The following SLC2A14 variants were observed in gnomAD, a reference collection of about 807,000 sequenced individuals.
SLC2A14 encodes solute carrier family 2, facilitated glucose transporter member 14.
In SLC2A14, 13 loss-of-function variants were observed where a neutral mutation model predicts 43.0. The ratio of observed to expected loss-of-function variants is 0.30; its 90% CI spans 0.20 to 0.48. The LOEUF (loss-of-function observed/expected upper bound fraction) is 0.48, where lower values mean the gene tolerates loss of function less well. SLC2A14 is among the 20% of genes least tolerant of loss of function. The pLI, the probability that SLC2A14 is intolerant of heterozygous loss-of-function variation, is 0.99. For synonymous variants in SLC2A14, 190 were observed against 233.8 expected, an observed-to-expected ratio of 0.81 and a Z score of 1.71; for missense variants, 428 against 620.4, an observed-to-expected ratio of 0.69 and a Z score of 3.29.
chr12:7,815,861 C>A, intron 10 of SLC2A14, among the ~76,000 whole-genome samples: 1 of 151,422 alleles, frequency 6.6e-6, no homozygotes, highest in Non-Finnish European at 1.5e-5. Flanking sequence ...CAGGTGTGAG[C>A]CACCGTGCCT....
At chr12:7,826,855 T>TTCCTTCCTTCCTTCCTTCCTTCCTTCC (rs1447800640) in intron 7 of SLC2A14, among the ~76,000 whole-genome samples, 6 of 37,076 alleles carry the variant, frequency 1.6e-4, no homozygotes, top group African/African-American at 3.7e-4. Context: ...CCTTCCTTCC[T>TTCCTTCCTTCCTTCCTTCCTTCCTTCC]TTCTTTTTTC....
intron 2 of SLC2A14, among the ~76,000 whole-genome samples, chr12:7,835,649 A>G (rs933838293): frequency 2.6e-5 from 4 of 152,200 alleles, no homozygotes; most frequent in Non-Finnish European, 5.9e-5. Flanking sequence ...GAAAACAAAC[A>G]TAAAATCTAA....
chr12:7,827,077 T>TTCTTTCTTTCTTTC (rs1565509415), intron 7 of SLC2A14, among the ~76,000 whole-genome samples: 1 of 43,024 alleles, frequency 2.3e-5, no homozygotes, highest in African/African-American at 6.5e-5. Flanking sequence ...CTCTCTCTCT[T>TTCTTTCTTTCTTTC]TCTTTCTTTC....
chr12:7,855,838 T>C (rs1420671132), intron 2 of SLC2A14, among the ~76,000 whole-genome samples: 3 of 151,640 alleles, frequency 2.0e-5, no homozygotes, highest in Non-Finnish European at 1.5e-5. Context: ...GGTTTCACCA[T>C]GTTAGCCAGG....
At chr12:7,884,981 A>T (rs996818886) in intron 1 of SLC2A14, among the ~76,000 whole-genome samples, 2 of 152,078 alleles carry the variant, frequency 1.3e-5, no homozygotes, top group Non-Finnish European at 2.9e-5. Context: ...GAACCAAAAA[A>T]CGATCAGGAC....
At chr12:7,839,998 G>A (rs1865804599) in intron 2 of SLC2A14, 1 of 357,720 alleles carries the variant, frequency 2.8e-6, no homozygotes, top group Non-Finnish European at 5.4e-6. Context: ...TGTAGTCCCA[G>A]CTACTCGGGT....
intron 2 of SLC2A14, among the ~76,000 whole-genome samples, chr12:7,869,617 A>G (rs1265519520): frequency 6.6e-6 from 1 of 152,162 alleles, no homozygotes; most frequent in Non-Finnish European, 1.5e-5. Context: ...TAAATATTTT[A>G]TCATTCGTCT....
At chr12:7,879,652 C>T (rs111745236) in intron 1 of SLC2A14, among the ~76,000 whole-genome samples, 2 of 151,892 alleles carry the variant, frequency 1.3e-5, no homozygotes, top group Non-Finnish European at 2.9e-5. Context: ...CCACTGCACT[C>T]CAGCCTGGGC....
rs200599889 is a variant in SLC2A14 at position 7,826,955 on chromosome 12, TTCTC to T, written c.864+536_864+539del. On this transcript the variant is annotated intron_variant, in intron 7 of 10. Coordinates refer to ENST00000431042, the MANE Select transcript of SLC2A14 (RefSeq NM_001286234.2). ...CCTTTCCTTTCCTTTCTTTCCTTTCTTCTCTCTCTTTCTCTCTCTCTTTCTCTCC... is the reference window on the plus strand; with the variant it reads ...CCTTTCCTTTCCTTTCTTTCCTTTCTTCTCTTTCTCTCTCTCTTTCTCTCC... Among the ~76,000 whole-genome samples, 8 of 120,872 alleles carry T rather than the reference TTCTC, an allele frequency of 6.6e-5. 2 individuals are homozygous for T. Among genetic ancestry groups the T allele is most frequent in the South Asian group, 2.9e-4 (1 of 3,440 alleles). 79.3% of individuals were successfully genotyped at this position (120,872 alleles called of 152,430 possible). A position where few individuals can be genotyped will look rare whatever the true frequency, so the allele number is the denominator to read the frequency against.
At chr12:7,873,871 C>T (rs139891814), upstream of SLC2A14, among the ~76,000 whole-genome samples, 90 of 152,122 alleles carry the variant, frequency 5.9e-4, 2 homozygotes, top group African/African-American at 2.0e-3. Context: ...ATTGTTCTCC[C>T]CTAGCCCAAG....
In SLC2A14 at chr12:7,817,987, G is replaced by C; in HGVS notation, c.1119C>G (p.Val373=). ...GTCCAATTTCAAAACAGGCCACAAA[G>C]ACCAAGATAGCCCCAATACAGACAA... The part of the protein sequence containing the change: ...MSFVCIGAIL[V]FVACFEIGPG... Residue 373 remains valine, a synonymous_variant, in exon 10 of 11, where the codon GTC becomes GTG. Transcript: ENST00000431042. The C allele has an allele frequency of 2.5e-6, 4 of 1,614,066 alleles. No homozygotes were observed. Among genetic ancestry groups the C allele is most frequent in the Non-Finnish European group, 2.5e-6 (3 of 1,180,022 alleles).
intron 1 of SLC2A14, among the ~76,000 whole-genome samples, chr12:7,881,758 G>A (rs907871866): frequency 6.6e-6 from 1 of 152,176 alleles, no homozygotes; most frequent in Non-Finnish European, 1.5e-5. Context: ...TTGGAACTTG[G>A]AGAACCTTTA....
chr12:7,888,216 T>C (rs748058768), intron 1 of SLC2A14, among the ~76,000 whole-genome samples: 1 of 152,178 alleles, frequency 6.6e-6, no homozygotes, highest in African/African-American at 2.4e-5. Flanking sequence ...GCAGCTTCGG[T>C]TGGCACACAT....
At chr12:7,878,976 CAAAAAA>C (rs58838986) in intron 1 of SLC2A14, among the ~76,000 whole-genome samples, 2 of 69,322 alleles carry the variant, frequency 2.9e-5, no homozygotes, top group East Asian at 3.7e-4. Flanking sequence ...GAGTCCGTCT[CAAAAAA>C]AAAAAAAAAA....
At chr12:7,878,853 T>C (rs573488679) in intron 1 of SLC2A14, among the ~76,000 whole-genome samples, 4 of 151,410 alleles carry the variant, frequency 2.6e-5, no homozygotes, top group Non-Finnish European at 5.9e-5. Context: ...GGCACCTGCC[T>C]GTAATCCCAG....
chr12:7,871,891 G>A (rs1427993991), intron 1 of SLC2A14: 3 of 984,482 alleles, frequency 3.0e-6, no homozygotes, highest in South Asian at 4.7e-5. Flanking sequence ...GCCACCCATC[G>A]TGGGAGTGTG....
intron 3 of SLC2A14, 28 bp downstream of exon 3, chr12:7,832,694 A>T (rs1404229867): frequency 6.2e-7 from 1 of 1,608,574 alleles, no homozygotes; most frequent in South Asian, 1.1e-5. Context: ...CCTATTCCAG[A>T]TTCTAATTCT....
chr12:7,872,975 A>G, upstream of SLC2A14: 1 of 985,406 alleles, frequency 1.0e-6, no homozygotes, highest in Non-Finnish European at 1.2e-6. Flanking sequence ...ACAAAACGTG[A>G]CTCGGTTCAT....
intron 4 of SLC2A14, 123 bp downstream of exon 4, chr12:7,831,481 C>T: frequency 6.9e-7 from 1 of 1,439,486 alleles, no homozygotes; most frequent in Non-Finnish European, 9.4e-7. Flanking sequence ...GGGCTAGTTT[C>T]CCTTGATTAG....
Sources: allele counts gnomAD v4.1 joint callset (sites outside exome capture counted in the v4.1 genomes callset), GRCh38; gene constraint gnomAD v4.1.1; transcripts MANE v1.5; gene names NCBI Gene and HGNC (gene_info 2026-07-23, HGNC 2026-07-21).